TCP11L2: variants seen among roughly 807,000 people sequenced by gnomAD.
The protein encoded by TCP11L2 is T-complex protein 11-like protein 2.
In TCP11L2, 39 loss-of-function variants were observed where a neutral mutation model predicts 50.7. That is an observed-to-expected ratio of 0.77 (90% confidence interval 0.60 to 1.01). The LOEUF (loss-of-function observed/expected upper bound fraction) is 1.01. Among genes scored for constraint, TCP11L2 ranks in the 50% least tolerant of loss-of-function variants. The pLI is 0.00. For synonymous variants in TCP11L2, 192 were observed against 219.3 expected, an observed-to-expected ratio of 0.88 and a Z score of 1.10; for missense variants, 612 against 614.7, an observed-to-expected ratio of 1.00 and a Z score of 0.05.
In TCP11L2 at chr12:106,335,657, C is replaced by T. The variant is rs1475944471; in HGVS notation, c.791C>T (p.Thr264Ile). The change falls in exon 7 of 10, where the codon ACA (threonine) becomes ATA (isoleucine). Residue 264 changes from threonine (T) to isoleucine (I), a missense_variant. Coordinates refer to ENST00000299045, the MANE Select transcript of TCP11L2 (RefSeq NM_152772.3). ...EETPSALDQT[T>I]EWIKESVNEE... ...CTCTTAGGTGCTCTTGATCAGACTA[C>T]AGAATGGATAAAAGAATCTGTAAAT... The T allele has an allele frequency of 6.2e-7, 1 of 1,614,122 alleles. No individual in the cohort carries two copies. The highest frequency in any genetic ancestry group is 8.5e-7 in the Non-Finnish European group (1 of 1,180,016).
At chr12:106,343,370 T>C (rs1236020368) in intron 9 of TCP11L2, among the ~76,000 whole-genome samples, 3 of 152,170 alleles carry the variant, frequency 2.0e-5, no homozygotes, top group African/African-American at 7.2e-5. Flanking sequence ...TAACTCTAAA[T>C]GTATGCCTGC....
At chr12:106,322,332 T>A (rs2035370989) in intron 5 of TCP11L2, among the ~76,000 whole-genome samples, 1 of 152,138 alleles carries the variant, frequency 6.6e-6, no homozygotes, top group Non-Finnish European at 1.5e-5. Flanking sequence ...ATGCAATATA[T>A]AGCCACCTCA....
upstream of TCP11L2, among the ~76,000 whole-genome samples, chr12:106,300,092 A>T (rs1248656644): frequency 1.3e-5 from 2 of 152,114 alleles, no homozygotes; most frequent in Non-Finnish European, 2.9e-5. Flanking sequence ...AGTTAGAAAA[A>T]CTAGGTGTAA....
intron 1 of TCP11L2, among the ~76,000 whole-genome samples, chr12:106,309,049 T>C (rs2034747121): frequency 6.6e-6 from 1 of 152,176 alleles, no homozygotes; most frequent in East Asian, 1.9e-4. Context: ...GCTATTCACT[T>C]TGGCTAGAAG....
chr12:106,337,749 AT>A (rs1463879858), intron 8 of TCP11L2, among the ~76,000 whole-genome samples: 1 of 152,226 alleles, frequency 6.6e-6, no homozygotes, highest in Non-Finnish European at 1.5e-5. Context: ...TTGTATTAAT[AT>A]CTACCTTGGA....
chr12:106,346,648 A>C lies in TCP11L2; in HGVS notation c.*118A>C. The stretch of plus-strand genomic sequence containing the variant: ...AGTACTGTGGTGCAGTATTAGCCCA[A>C]ATCTGTGTAATGGGTAATATTAGCA... On this transcript the variant is annotated 3_prime_UTR_variant, in exon 10 of 10. Transcript: ENST00000299045. The C allele has an allele frequency of 8.0e-7, 1 of 1,247,544 alleles. No homozygotes were observed. Among genetic ancestry groups the C allele is most frequent in the Middle Eastern group, 2.2e-4 (1 of 4,466 alleles). 77.3% of individuals were successfully genotyped at this position (1,247,544 alleles called of 1,614,324 possible). A position where few individuals can be genotyped will look rare whatever the true frequency, so the allele number is the denominator to read the frequency against.
chr12:106,314,217 C>A, intron 2 of TCP11L2, 141 bp from the exon 3 acceptor site: 2 of 721,370 alleles, frequency 2.8e-6, no homozygotes, highest in Admixed American at 2.9e-5. Context: ...GGGAATTCAC[C>A]TATTTTAATA....
chr12:106,329,467 G>A, intron 6 of TCP11L2: 1 of 1,522,408 alleles, frequency 6.6e-7, no homozygotes, highest in Non-Finnish European at 8.8e-7. Flanking sequence ...CTAAACGCAT[G>A]CTCCTTCTGC....
chr12:106,329,433 TAAGAG>T (rs1417627665), intron 6 of TCP11L2: 12 of 1,534,916 alleles, frequency 7.8e-6, no homozygotes, highest in East Asian at 4.9e-5. Context: ...TGCCGATCCC[TAAGAG>T]AAGAGCCAAC....
At chr12:106,329,827 G>A in intron 6 of TCP11L2, 1 of 987,036 alleles carries the variant, frequency 1.0e-6, no homozygotes. Flanking sequence ...ATGAAAGACT[G>A]CAAGTCTTTT....
chr12:106,334,808 G>T (rs952282785), intron 6 of TCP11L2, among the ~76,000 whole-genome samples: 1 of 152,080 alleles, frequency 6.6e-6, no homozygotes, highest in African/African-American at 2.4e-5. Context: ...GGGTGTGGTG[G>T]TGCACGCCTG....
intron 6 of TCP11L2, among the ~76,000 whole-genome samples, chr12:106,331,376 C>A (rs2035741557): frequency 6.6e-6 from 1 of 152,178 alleles, no homozygotes; most frequent in Non-Finnish European, 1.5e-5. Flanking sequence ...CTCATTTTAA[C>A]CACCCCACTG....
At chr12:106,335,528 G>C in intron 6 of TCP11L2, 111 bp from the exon 7 acceptor site, 1 of 1,083,188 alleles carries the variant, frequency 9.2e-7, no homozygotes, top group Non-Finnish European at 1.3e-6. Context: ...GCAGGGCATG[G>C]CTGTGTCTTC....
At chr12:106,309,795 C>G (rs1448264382) in intron 1 of TCP11L2, among the ~76,000 whole-genome samples, 1 of 151,812 alleles carries the variant, frequency 6.6e-6, no homozygotes, top group Non-Finnish European at 1.5e-5. Context: ...CCCCGGTGCT[C>G]AGTGCTCAAG....
chr12:106,318,988 T>C (rs573566668), intron 4 of TCP11L2, among the ~76,000 whole-genome samples: 1 of 152,154 alleles, frequency 6.6e-6, no homozygotes, highest in African/African-American at 2.4e-5. Context: ...CTCGGCTCAC[T>C]GCAAGCTCCG....
chr12:106,330,315 T>G (rs2035702394), intron 6 of TCP11L2: 19 of 985,206 alleles, frequency 1.9e-5, no homozygotes, highest in Non-Finnish European at 2.3e-5. Context: ...ATAAAAACTA[T>G]TTGTCATCTA....
chr12:106,314,558 TGTGTGTGTGTGTGTGTGTGAGAGAGA>T (rs1422075255), intron 3 of TCP11L2, 65 bp downstream of exon 3: 46 of 924,068 alleles, frequency 5.0e-5, no homozygotes, highest in African/African-American at 9.0e-5. Flanking sequence ...TGTGTGTGTG[TGTGTGTGTGTGTGTGTGTGAGAGAGA>T]GAGAGAGAGA....
At position 106,346,174 on chromosome 12, in the gene TCP11L2, T is replaced by C. The variant is rs115405855; in HGVS notation, c.1316-112T>C. 1,164 of 1,143,630 alleles carry C rather than the reference T, an allele frequency of 1.0e-3. 11 individuals are homozygous for C. The African/African-American group carries it at 0.016, about 16-fold the overall frequency. 70.8% of individuals were successfully genotyped at this position (1,143,630 alleles called of 1,614,324 possible). On this transcript the variant is annotated intron_variant, in intron 9 of 9. Coordinates refer to ENST00000299045, the MANE Select transcript of TCP11L2 (RefSeq NM_152772.3). ...GAAAGGGGATGGGTGCAGGGAGGGG[T>C]AAAGAATTGGGAACATTATTGCAGT...
intron 9 of TCP11L2, among the ~76,000 whole-genome samples, chr12:106,345,963 A>C (rs1330991338): frequency 6.6e-6 from 1 of 152,102 alleles, no homozygotes; most frequent in Non-Finnish European, 1.5e-5. Context: ...GCCTATTCTC[A>C]TGGCGGTAGT....
Sources: gnomAD v4.1 joint callset for allele counts (sites outside exome capture counted in the v4.1 genomes callset) on GRCh38, gnomAD v4.1.1 for gene constraint, MANE v1.5 for transcripts, NCBI Gene and HGNC (gene_info 2026-07-23, HGNC 2026-07-21) for gene names.